The following LAMC2 variants were observed in gnomAD, a reference collection of about 807,000 sequenced individuals.
The protein encoded by LAMC2 is laminin subunit gamma-2.
LAMC2 carries 97 observed loss-of-function variants against 140.2 expected under a neutral mutation model. The observed-to-expected ratio is 0.69, with a 90% confidence interval of 0.59 to 0.82. The LOEUF (loss-of-function observed/expected upper bound fraction) is 0.82. Among genes scored for constraint, LAMC2 ranks in the 40% least tolerant of loss-of-function variants. LAMC2 has a pLI of 0.00. For missense variants in LAMC2, 1,402 were observed against 1,476.1 expected, an observed-to-expected ratio of 0.95 and a Z score of 0.82; for synonymous variants, 513 against 540.2, an observed-to-expected ratio of 0.95 and a Z score of 0.70.
intron 4 of LAMC2, among the ~76,000 whole-genome samples, chr1:183,220,412 C>G (rs1366154255): frequency 6.6e-6 from 1 of 151,870 alleles, no homozygotes; most frequent in East Asian, 1.9e-4. Flanking sequence ...GAGGCAGGAG[C>G]CTCACCTTTC....
At chr1:183,221,454 C>T (rs1275275611) in intron 5 of LAMC2, among the ~76,000 whole-genome samples, 1 of 152,150 alleles carries the variant, frequency 6.6e-6, no homozygotes, top group Non-Finnish European at 1.5e-5. Context: ...CCGGGCCAAG[C>T]GTGGTGGCTC....
chr1:183,231,219 G>A, intron 12 of LAMC2, 116 bp downstream of exon 12: 1 of 1,193,146 alleles, frequency 8.4e-7, no homozygotes, highest in Non-Finnish European at 1.2e-6. Context: ...TGGGAGTAGT[G>A]ATTACTATTT....
the LAMC2 span, among the ~76,000 whole-genome samples, chr1:183,255,665 T>G: frequency 7.6e-6 from 1 of 131,490 alleles, no homozygotes. Flanking sequence ...CCTAAGGGTT[T>G]TTTTTTTTTT....
chr1:183,218,596 T>C (rs1454868896), intron 4 of LAMC2, 108 bp downstream of exon 4: 1 of 842,376 alleles, frequency 1.2e-6, no homozygotes, highest in Non-Finnish European at 2.0e-6. Flanking sequence ...TGACAAACGT[T>C]GATGACCTTC....
rs570084143 is a variant in LAMC2, at chr1:183,203,491, C to A, written c.80-4390C>A. 5.3e-5 allele frequency among the ~76,000 whole-genome samples: 8 copies of A among 150,670 alleles called. No homozygotes were observed. In the South Asian group the frequency reaches 1.5e-3, roughly 28 times the overall value. On this transcript the variant is annotated intron_variant, in intron 1 of 22. Transcript: ENST00000264144. Reference sequence around the variant, plus strand: ...GTTTCCTGCCCCCCGCCCCCCCTCACCCCTAGTAGCGAGAGTAAGTAATAA... The same window carrying A: ...GTTTCCTGCCCCCCGCCCCCCCTCAACCCTAGTAGCGAGAGTAAGTAATAA...
chr1:183,238,473 ACCAATTT>A (rs757643306), intron 19 of LAMC2, 52 bp downstream of exon 19: 1 of 1,178,718 alleles, frequency 8.5e-7, no homozygotes, highest in Admixed American at 1.7e-5. Context: ...TATAGTCATG[ACCAATTT>A]CCTTTGAATT....
chr1:183,209,452 A>G (rs1659006297), intron 2 of LAMC2, among the ~76,000 whole-genome samples: 1 of 152,160 alleles, frequency 6.6e-6, no homozygotes, highest in Admixed American at 6.5e-5. Flanking sequence ...GTCACCCCCC[A>G]AATTCACCTA....
intron 20 of LAMC2, 55 bp from the exon 21 acceptor site, chr1:183,239,985 T>A: frequency 1.2e-6 from 2 of 1,602,656 alleles, no homozygotes; most frequent in Non-Finnish European, 1.7e-6. Context: ...TTTGGGATGT[T>A]TTTGTGCCTC....
At position 183,238,356 on chromosome 1, in the gene LAMC2, A is replaced by T. The variant is rs1275407921; in HGVS notation, c.2804A>T (p.Gln935Leu). 6.2e-7 allele frequency: 1 copy of T among 1,614,024 alleles called. No individual in the cohort carries two copies. Among genetic ancestry groups the T allele is most frequent in the Non-Finnish European group, 8.5e-7 (1 of 1,179,994 alleles). The change falls in exon 19 of 23, where the codon CAA becomes CTA. Residue 935 changes from glutamine to leucine, a missense_variant. Physicochemically the swap from Gln to Leu is moderately radical, Grantham distance 113. Coordinates refer to ENST00000264144, the MANE Select transcript of LAMC2 (RefSeq NM_005562.3). ...GCCAATCTTGCTAAAAGCAGAGCACAAGAAGCACTGAGTATGGGCAATGCC... is the reference window on the plus strand; with the variant it reads ...GCCAATCTTGCTAAAAGCAGAGCACTAGAAGCACTGAGTATGGGCAATGCC... The part of the protein sequence containing the change: ...SRANLAKSRA[Q>L]EALSMGNATF...
chr1:183,221,024 A>G (rs774565167), intron 5 of LAMC2, 63 bp downstream of exon 5: 9 of 1,444,694 alleles, frequency 6.2e-6, no homozygotes, highest in Non-Finnish European at 8.8e-6. Flanking sequence ...GTGTTTAGAG[A>G]CAACCACCTC....
intron 20 of LAMC2, 63 bp from the exon 21 acceptor site, chr1:183,239,977 T>C: frequency 1.3e-6 from 2 of 1,576,296 alleles, no homozygotes; most frequent in South Asian, 1.1e-5. Flanking sequence ...TGGTTGTCTT[T>C]GGGATGTTTT....
At chr1:183,236,779 C>A (rs1659976739) in intron 17 of LAMC2, among the ~76,000 whole-genome samples, 175 bp downstream of exon 17, 1 of 152,222 alleles carries the variant, frequency 6.6e-6, no homozygotes, top group African/African-American at 2.4e-5. Flanking sequence ...TCTTAAACCA[C>A]AATCCTAGTC....
At chr1:183,212,286 C>T (rs1477106974) in intron 2 of LAMC2, among the ~76,000 whole-genome samples, 1 of 152,152 alleles carries the variant, frequency 6.6e-6, no homozygotes, top group Non-Finnish European at 1.5e-5. Context: ...CATTACTTAT[C>T]AGAGCATTAT....
At position 183,243,497 on chromosome 1, in the gene LAMC2, C is replaced by A; in HGVS notation, c.*97C>A. ...AGTGGGTGGGATGGGGACATTTGAA[C>A]ATGTTTAATGGGTATGCTCAGGTCA... On this transcript the variant is annotated 3_prime_UTR_variant, in exon 23 of 23. Coordinates refer to ENST00000264144, the MANE Select transcript of LAMC2 (RefSeq NM_005562.3). The A allele has an allele frequency of 4.1e-6, 6 of 1,467,536 alleles. No individual in the cohort carries two copies. Among genetic ancestry groups the A allele is most frequent in the Non-Finnish European group, 5.7e-6 (6 of 1,049,826 alleles). 90.9% of individuals were successfully genotyped at this position (1,467,536 alleles called of 1,614,324 possible). A position where few individuals can be genotyped will look rare whatever the true frequency, so the allele number is the denominator to read the frequency against.
At position 183,221,763 on chromosome 1, in the gene LAMC2, T is replaced by C. The variant is rs553494763; in HGVS notation, c.641-326T>C. On this transcript the variant is annotated intron_variant, in intron 5 of 22. Coordinates refer to ENST00000264144, the MANE Select transcript of LAMC2 (RefSeq NM_005562.3). The stretch of plus-strand genomic sequence containing the variant: ...ACAAATGAAAAAAAAATGAAAAGAC[T>C]GGACCCTCTCACTTCATTAAGGTGA... Among the ~76,000 whole-genome samples the C allele has an allele frequency of 9.3e-5, 14 of 150,156 alleles. No homozygotes were observed. In the South Asian group the frequency reaches 2.8e-3, roughly 30 times the overall value.
chr1:183,211,477 CTG>C (rs1471599410), intron 2 of LAMC2, among the ~76,000 whole-genome samples: 1 of 152,138 alleles, frequency 6.6e-6, no homozygotes, highest in Admixed American at 6.6e-5. Flanking sequence ...TGCAAATTCT[CTG>C]TTTATATGTT....
the LAMC2 span, chr1:183,252,609 G>C: frequency 7.2e-7 from 1 of 1,397,184 alleles, no homozygotes; most frequent in Non-Finnish European, 1.0e-6. Context: ...AAAGATGGAG[G>C]GGCCATTGTG....
intron 22 of LAMC2, chr1:183,240,897 C>A: frequency 5.9e-6 from 1 of 168,266 alleles, no homozygotes; most frequent in Non-Finnish European, 1.2e-5. Context: ...TGCTCTAAGG[C>A]AGTAGAATGG....
chr1:183,235,282 G>A (rs561324648), intron 15 of LAMC2, among the ~76,000 whole-genome samples: 1 of 152,206 alleles, frequency 6.6e-6, no homozygotes, highest in East Asian at 1.9e-4. Flanking sequence ...CAGATGCAGT[G>A]TTTTATCACC....
Sources: allele counts gnomAD v4.1 joint callset (sites outside exome capture counted in the v4.1 genomes callset), GRCh38; gene constraint gnomAD v4.1.1; transcripts MANE v1.5; gene names NCBI Gene and HGNC (gene_info 2026-07-23, HGNC 2026-07-21).